Variants in CELF2 observed in about 807,000 individuals in gnomAD.
The protein encoded by CELF2 is CUG triplet repeat RNA-binding protein 2.
In CELF2, 8 loss-of-function variants were observed where a neutral mutation model predicts 62.6. The ratio of observed to expected loss-of-function variants is 0.13; its 90% confidence interval spans 0.07 to 0.23. The LOEUF is 0.23. Among genes scored for constraint, CELF2 ranks in the 10% least tolerant of loss-of-function variants. The pLI, the probability that CELF2 is intolerant of heterozygous loss-of-function variation, is 1.00. For synonymous variants in CELF2, 258 were observed against 250.0 expected (o/e 1.03, Z -0.30); for missense variants, 333 against 671.0 (o/e 0.50, Z 5.56).
In CELF2 at chr10:11,148,327, C is replaced by T. The variant is rs552604989; in HGVS notation, c.75-17159C>T. On this transcript the variant is annotated intron_variant, in intron 1 of 12. Transcript: ENST00000633077. ...TTTAGCCAGCGGAGGCCTGTGCCTG[C>T]CTTCACACAGCGTGTAACGGAAGGC... Among the ~76,000 whole-genome samples the T allele has an allele frequency of 2.0e-5, 3 of 152,348 alleles. No individual in the cohort carries two copies. In the South Asian group the frequency reaches 6.2e-4, roughly 32 times the overall value.
chr10:10,902,448 T>C (rs1241726040), intron 1 of CELF2, among the ~76,000 whole-genome samples: 2 of 152,194 alleles, frequency 1.3e-5, no homozygotes, highest in Admixed American at 6.5e-5. Context: ...GGCAACACCA[T>C]GCGTGAATCC....
the CELF2 span, among the ~76,000 whole-genome samples, chr10:10,464,036 G>A: frequency 1.3e-5 from 2 of 151,036 alleles, no homozygotes; most frequent in East Asian, 3.9e-4. Flanking sequence ...CATTCCATAC[G>A]CTGGTAACAT....
Position 11,075,902 on chromosome 10 carries a change from C to T in CELF2, c.74+57739C>T, listed in dbSNP as rs544799461. On this transcript the variant is annotated intron_variant, in intron 1 of 12. Transcript: ENST00000633077. This position sits in a 1 kb window ranked among gnomAD's most constrained non-coding sequence, Gnocchi z 5.4. ...TTTAATAAACTGCCAACATCAGTAT[C>T]TCAGAATGAGTGAAACAAAAAGCTT... Among the ~76,000 whole-genome samples, 1 of 152,092 alleles carries T rather than the reference C, an allele frequency of 6.6e-6. No homozygotes were observed. Among genetic ancestry groups the T allele is most frequent in the African/African-American group, 2.4e-5 (1 of 41,410 alleles).
the CELF2 span, among the ~76,000 whole-genome samples, chr10:10,748,029 C>T: frequency 6.6e-6 from 1 of 152,098 alleles, no homozygotes. Flanking sequence ...AAACGTTGCA[C>T]TCATGGAGGA....
intron 11 of CELF2, among the ~76,000 whole-genome samples, chr10:11,322,392 G>T (rs2095488252): frequency 6.6e-6 from 1 of 152,200 alleles, no homozygotes; most frequent in South Asian, 2.1e-4. Context: ...TTATGAAATG[G>T]TTCATGAGTA....
intron 2 of CELF2, among the ~76,000 whole-genome samples, chr10:10,929,079 C>T (rs185668304): frequency 6.6e-6 from 1 of 152,306 alleles, no homozygotes; most frequent in Admixed American, 6.5e-5. Flanking sequence ...TCTGCCTTCT[C>T]TCACCCTTCT....
chr10:10,907,115 G>T (rs546002043), intron 1 of CELF2, among the ~76,000 whole-genome samples: 2 of 151,046 alleles, frequency 1.3e-5, no homozygotes, highest in African/African-American at 2.4e-5. Context: ...ACACGCAAAC[G>T]CACACACACA....
Position 11,188,671 on chromosome 10 carries a change from T to C in CELF2, c.271+22989T>C, listed in dbSNP as rs576379355. Among the ~76,000 whole-genome samples, 77 of 152,342 alleles carry C rather than the reference T, an allele frequency of 5.1e-4. 1 individual carries two copies. The highest frequency in any genetic ancestry group is 1.8e-3 in the African/African-American group (75 of 41,580). ...ATTGAGATTTTTGGACATGTGAGCT[T>C]ACAGTTTTCATCAAATTTGGAAAAC... is the stretch of plus-strand genomic sequence containing the variant. On this transcript the variant is annotated intron_variant, in intron 2 of 12. Transcript: ENST00000633077.
chr10:10,945,259 C>G (rs1050691901), intron 2 of CELF2, among the ~76,000 whole-genome samples: 2 of 152,170 alleles, frequency 1.3e-5, no homozygotes, highest in African/African-American at 4.8e-5. Context: ...CAGCATTTCC[C>G]TCCTTCGGCT....
chr10:11,088,154 A>C (rs1319563027), intron 1 of CELF2, among the ~76,000 whole-genome samples: 3 of 152,212 alleles, frequency 2.0e-5, no homozygotes, highest in African/African-American at 7.2e-5. Flanking sequence ...GCATGCCAGA[A>C]AGGAGGCTAG....
chr10:10,967,371 G>A (rs756396562), intron 2 of CELF2, among the ~76,000 whole-genome samples: 24 of 152,306 alleles, frequency 1.6e-4, no homozygotes, highest in African/African-American at 4.3e-4. Context: ...TAAGGAGGCC[G>A]CTTTAGACTA....
chr10:10,943,832 C>G (rs1171789505), intron 2 of CELF2, among the ~76,000 whole-genome samples: 2 of 151,538 alleles, frequency 1.3e-5, no homozygotes, highest in Non-Finnish European at 2.9e-5. Context: ...AAACTCCTGA[C>G]CTCAGGTGAT....
chr10:10,849,944 C>A (rs1335851057), intron 1 of CELF2, among the ~76,000 whole-genome samples: 2 of 151,646 alleles, frequency 1.3e-5, no homozygotes, highest in Non-Finnish European at 2.9e-5. Context: ...AGTTTGAGAC[C>A]AGCCTGGCCA....
chr10:11,181,085 G>T (rs2073208643), intron 2 of CELF2, among the ~76,000 whole-genome samples: 1 of 152,172 alleles, frequency 6.6e-6, no homozygotes, highest in Admixed American at 6.5e-5. Context: ...GGCCAGGCTG[G>T]TCTCAAACTC....
intron 1 of CELF2, among the ~76,000 whole-genome samples, chr10:11,037,208 C>T (rs558417127): frequency 3.2e-4 from 49 of 152,298 alleles, no homozygotes; most frequent in African/African-American, 1.1e-3. Context: ...TCTTATATGG[C>T]GCAAGCAAGA....
the CELF2 span, among the ~76,000 whole-genome samples, chr10:10,699,492 T>G: frequency 1.3e-5 from 2 of 152,204 alleles, no homozygotes; most frequent in African/African-American, 4.8e-5. Context: ...ACTGTATGGA[T>G]AAGAACAGAG....
chr10:10,708,760 G>A, the CELF2 span, among the ~76,000 whole-genome samples: 1 of 152,090 alleles, frequency 6.6e-6, no homozygotes, highest in Non-Finnish European at 1.5e-5. Flanking sequence ...ATACATATAC[G>A]ATTGAAATAA....
the CELF2 span, among the ~76,000 whole-genome samples, chr10:10,763,768 G>A: frequency 1.3e-5 from 2 of 152,240 alleles, no homozygotes; most frequent in East Asian, 3.9e-4. Context: ...GAGGGAGGGG[G>A]AATATTCAAA....
Position 11,165,055 on chromosome 10 carries a change from G to A in CELF2, c.75-431G>A. The A allele has an allele frequency of 3.1e-6, 1 of 323,108 alleles. No individual in the cohort carries two copies. 20.0% of individuals were successfully genotyped at this position (323,108 alleles called of 1,614,324 possible). A position where few individuals can be genotyped will look rare whatever the true frequency, so the allele number is the denominator to read the frequency against. On this transcript the variant is annotated intron_variant, in intron 1 of 12. Transcript: ENST00000633077. The surrounding 1 kb of genome is among the most constrained non-coding windows in gnomAD (Gnocchi z 7.4). ...AAAAGGGCGGTGGGGCGGGGGGCGG[G>A]GCAGGGAGAGGGAGAGAAATCCAGC... is the stretch of plus-strand genomic sequence containing the variant.
Sources: gnomAD v4.1 joint callset for allele counts (sites outside exome capture counted in the v4.1 genomes callset) on GRCh38, gnomAD v4.1.1 for gene constraint, Gnocchi (gnomAD v3.1) non-coding constraint, MANE v1.5 for transcripts, NCBI Gene and HGNC (gene_info 2026-07-23, HGNC 2026-07-21) for gene names.